The following DCC variants were observed in gnomAD, a reference collection of about 807,000 sequenced individuals.
DCC encodes the protein DCC netrin 1 receptor.
Under a neutral mutation model 172.5 loss-of-function variants are expected in DCC, and 58 were observed. The ratio of observed to expected loss-of-function variants is 0.34; its 90% confidence interval spans 0.27 to 0.42. The LOEUF (loss-of-function observed/expected upper bound fraction) is 0.42, where lower values mean the gene tolerates loss of function less well. Ranked by LOEUF, DCC falls within the 10% of genes least tolerant of loss-of-function variation. DCC has a pLI of 1.00. For missense variants in DCC, 1,740 were observed against 1,791.0 expected (o/e 0.97, Z 0.51); for synonymous variants, 709 against 644.5 (o/e 1.10, Z -1.52).
rs181120258 is a variant in DCC, at chr18:52,389,387, T to G, written c.91+48509T>G. On this transcript the variant is annotated intron_variant, in intron 1 of 28. Transcript: ENST00000442544. ...AAATTAGTCATAGTTTATCTGAAAT[T>G]CAAATTTAACTGGACGTCTTGGATT... Among the ~76,000 whole-genome samples the G allele has an allele frequency of 4.6e-4, 70 of 152,270 alleles. No homozygotes were observed. The East Asian group carries it at 0.012, about 26-fold the overall frequency.
At chr18:52,379,396 C>G (rs1264283816) in intron 1 of DCC, among the ~76,000 whole-genome samples, 1 of 152,082 alleles carries the variant, frequency 6.6e-6, no homozygotes, top group Non-Finnish European at 1.5e-5. Context: ...AGTATGGTTA[C>G]TTAGCCTTGG....
intron 9 of DCC, among the ~76,000 whole-genome samples, chr18:53,203,553 T>C (rs1360517178): frequency 6.6e-6 from 1 of 152,188 alleles, no homozygotes; most frequent in Non-Finnish European, 1.5e-5. Flanking sequence ...AATGAATGTA[T>C]GAGCAGTGAT....
At chr18:52,996,092 G>A (rs1367221176) in intron 5 of DCC, among the ~76,000 whole-genome samples, 1 of 151,962 alleles carries the variant, frequency 6.6e-6, no homozygotes, top group East Asian at 1.9e-4. Context: ...GCAGGGAGAT[G>A]GACAAGAAGA....
chr18:52,590,005 A>T (rs72914710), intron 1 of DCC, among the ~76,000 whole-genome samples: 4 of 152,150 alleles, frequency 2.6e-5, no homozygotes, highest in Admixed American at 6.5e-5. Flanking sequence ...GCTTTTTTTT[A>T]AAAAAAGATA....
rs17754251 is a variant in DCC at position 52,375,275 on chromosome 18, A to G, written c.91+34397A>G. Among the ~76,000 whole-genome samples, 728 of 152,292 alleles carry G rather than the reference A, an allele frequency of 4.8e-3. 29 individuals are homozygous for G. In the East Asian group the frequency reaches 0.077, roughly 16 times the overall value. On this transcript the variant is annotated intron_variant, in intron 1 of 28. Transcript: ENST00000442544. ...TCAAAGCCAATCAAGATGAGGGCAA[A>G]AGTCTGAGTGGACGTGAACTTAAGA...
chr18:52,544,996 T>C (rs575029693), intron 1 of DCC, among the ~76,000 whole-genome samples: 43 of 152,316 alleles, frequency 2.8e-4, no homozygotes, highest in Admixed American at 7.2e-4. Context: ...TTAAGAACTT[T>C]TTAAGAATGC....
chr18:53,473,001 C>T (rs2045717001), intron 25 of DCC, among the ~76,000 whole-genome samples: 1 of 152,120 alleles, frequency 6.6e-6, no homozygotes, highest in Admixed American at 6.6e-5. Flanking sequence ...TGTTTTTTCC[C>T]TTTACATATT....
chr18:53,264,433 G>A (rs866378796), intron 12 of DCC, among the ~76,000 whole-genome samples: 40 of 141,298 alleles, frequency 2.8e-4, no homozygotes, highest in Admixed American at 7.5e-4. Context: ...CTGAGATTGC[G>A]CCACTGCACT....
At position 53,251,139 on chromosome 18, in the gene DCC, G is replaced by A. The variant is rs185630057; in HGVS notation, c.1911+35542G>A. Among the ~76,000 whole-genome samples, 200 of 151,928 alleles carry A rather than the reference G, an allele frequency of 1.3e-3. 1 individual carries two copies. The highest frequency in any genetic ancestry group is 8.7e-3 in the South Asian group (42 of 4,816). ...GTCTTATTCCCTGATCTGATTATTA[G>A]AATCTATCATCGGCTCCCCCCAACC... On this transcript the variant is annotated intron_variant, in intron 12 of 28. Coordinates refer to ENST00000442544, the MANE Select transcript of DCC (RefSeq NM_005215.4).
intron 7 of DCC, among the ~76,000 whole-genome samples, chr18:53,091,888 T>C (rs1408463162): frequency 1.3e-5 from 2 of 151,786 alleles, no homozygotes; most frequent in Admixed American, 6.6e-5. Flanking sequence ...TACATAAATA[T>C]GTCTTTAAAT....
intron 1 of DCC, among the ~76,000 whole-genome samples, chr18:52,584,648 G>A (rs1356303803): frequency 6.6e-6 from 1 of 152,018 alleles, no homozygotes; most frequent in Non-Finnish European, 1.5e-5. Flanking sequence ...AGATACATCT[G>A]CCTCAGCCTC....
chr18:52,728,058 T>A (rs144569905), intron 1 of DCC, among the ~76,000 whole-genome samples: 1 of 152,194 alleles, frequency 6.6e-6, no homozygotes, highest in Non-Finnish European at 1.5e-5. Flanking sequence ...GGTCAGTGAT[T>A]GGATTACACT....
intron 8 of DCC, 51 bp downstream of exon 8, chr18:53,157,563 C>T: frequency 6.3e-7 from 1 of 1,592,844 alleles, no homozygotes. Flanking sequence ...CTCTTTAAGT[C>T]AATACGGTTG....
chr18:52,442,124 C>A (rs1229767106), intron 1 of DCC, among the ~76,000 whole-genome samples: 1 of 152,072 alleles, frequency 6.6e-6, no homozygotes, highest in Non-Finnish European at 1.5e-5. Flanking sequence ...TTTTTTTATG[C>A]CTCTGTCCCT....
chr18:53,035,338 T>C (rs956101195), intron 5 of DCC, among the ~76,000 whole-genome samples: 1 of 152,110 alleles, frequency 6.6e-6, no homozygotes, highest in African/African-American at 2.4e-5. Context: ...TGGGAATTTC[T>C]TTTATTTTCT....
intron 2 of DCC, among the ~76,000 whole-genome samples, chr18:52,820,520 G>C (rs1317905000): frequency 6.6e-6 from 1 of 151,930 alleles, no homozygotes; most frequent in Non-Finnish European, 1.5e-5. Flanking sequence ...TAGAGCTCGT[G>C]GGTCCATCCA....
intron 15 of DCC, among the ~76,000 whole-genome samples, chr18:53,356,340 T>C (rs1418641357): frequency 2.0e-5 from 3 of 152,218 alleles, no homozygotes; most frequent in Non-Finnish European, 4.4e-5. Context: ...CTATTTATTA[T>C]GTTTTTTTCT....
At chr18:52,624,909 A>G (rs1157911194) in intron 1 of DCC, among the ~76,000 whole-genome samples, 1 of 152,152 alleles carries the variant, frequency 6.6e-6, no homozygotes, top group African/African-American at 2.4e-5. Context: ...TTGCCTATGA[A>G]TGGGGATACA....
intron 12 of DCC, among the ~76,000 whole-genome samples, chr18:53,261,688 T>G (rs1459872754): frequency 6.6e-6 from 1 of 152,130 alleles, no homozygotes; most frequent in Non-Finnish European, 1.5e-5. Flanking sequence ...ATTTTTTGTA[T>G]TTTTAGTAGA....
Sources: allele counts gnomAD v4.1 joint callset (sites outside exome capture counted in the v4.1 genomes callset), GRCh38; gene constraint gnomAD v4.1.1; transcripts MANE v1.5; gene names NCBI Gene and HGNC (gene_info 2026-07-23, HGNC 2026-07-21).